Variants in ITGAE observed in about 807,000 individuals in gnomAD.
ITGAE encodes the protein integrin alpha-E.
A neutral mutation model predicts 136.5 loss-of-function variants in ITGAE; 99 were observed. The ratio of observed to expected loss-of-function variants is 0.73; its 90% CI spans 0.62 to 0.86. The LOEUF (loss-of-function observed/expected upper bound fraction) is 0.86, where lower values mean the gene tolerates loss of function less well. Ranked by LOEUF, ITGAE falls within the 40% of genes least tolerant of loss-of-function variation. The probability of loss-of-function intolerance (pLI) is 0.00; values close to 1 mark genes in which losing one functional copy is unlikely to be tolerated. For missense variants in ITGAE, 1,447 were observed against 1,515.3 expected (o/e 0.95, Z 0.75); for synonymous variants, 613 against 591.8 (o/e 1.04, Z -0.52).
At position 3,781,009 on chromosome 17, in the gene ITGAE, A is replaced by G. The variant is rs184632188; in HGVS notation, c.35-3349T>C. ...GTCAGCCAACAAGCTCAGCCCCAAA[A>G]CTATTTTTAAATTATGAGTGAGGTC... On this transcript the variant is annotated intron_variant, in intron 1 of 30. Coordinates refer to ENST00000263087, the MANE Select transcript of ITGAE (RefSeq NM_002208.5). 4.4e-3 allele frequency among the ~76,000 whole-genome samples: 676 copies of G among 152,148 alleles called. 6 individuals carry two copies. Among genetic ancestry groups the G allele is most frequent in the Middle Eastern group, 0.024 (7 of 294 alleles).
At chr17:3,723,888 C>G (rs370893681) in intron 26 of ITGAE, 144 bp from the exon 27 acceptor site, 2 of 1,524,606 alleles carry the variant, frequency 1.3e-6, no homozygotes, top group East Asian at 2.3e-5. Context: ...CCGCGTCGCA[C>G]GGAAGTCTCG....
intron 20 of ITGAE, among the ~76,000 whole-genome samples, chr17:3,737,130 T>C (rs2051476424): frequency 6.6e-6 from 1 of 151,990 alleles, no homozygotes; most frequent in Non-Finnish European, 1.5e-5. Flanking sequence ...CCGTCTCTAC[T>C]AAAAATACAA....
intron 17 of ITGAE, 80 bp downstream of exon 17, chr17:3,747,842 T>G: frequency 4.4e-6 from 1 of 226,062 alleles, no homozygotes; most frequent in South Asian, 5.1e-5. Context: ...CCCGCCCCAG[T>G]CCTCTTTCCC....
chr17:3,729,951 C>G (rs1026387537), intron 23 of ITGAE, among the ~76,000 whole-genome samples: 1 of 152,138 alleles, frequency 6.6e-6, no homozygotes, highest in Admixed American at 6.6e-5. Context: ...CATAGGTGAA[C>G]GTGTGCCATG....
At chr17:3,797,463 C>CTTT (rs2053147864) in intron 1 of ITGAE, among the ~76,000 whole-genome samples, 1 of 129,928 alleles carries the variant, frequency 7.7e-6, no homozygotes, top group East Asian at 2.4e-4. Flanking sequence ...CTGCGCCTGG[C>CTTT]CTTTTTTTTT....
At chr17:3,743,266 C>T (rs556857686) in intron 19 of ITGAE, among the ~76,000 whole-genome samples, 85 of 152,326 alleles carry the variant, frequency 5.6e-4, no homozygotes, top group African/African-American at 2.0e-3. Flanking sequence ...AAGGAACAAG[C>T]CCCAGGGGCA....
chr17:3,737,957 T>C (rs546896276), intron 20 of ITGAE, among the ~76,000 whole-genome samples: 34 of 152,302 alleles, frequency 2.2e-4, no homozygotes, highest in Admixed American at 1.2e-3. Context: ...CTGTAATTAA[T>C]TCCCTGCTGG....
rs144341961 is a variant in ITGAE, at chr17:3,724,547, C to T, written c.3085-803G>A. Reference sequence around the variant, plus strand: ...TTGCAGCCTCAGCCGTCCCGAGCGGCCTCCACCTCCCAGAAGTCTCCCTGG... The same window carrying T: ...TTGCAGCCTCAGCCGTCCCGAGCGGTCTCCACCTCCCAGAAGTCTCCCTGG... On this transcript the variant is annotated intron_variant, in intron 26 of 30. Transcript: ENST00000263087. 2.9e-4 allele frequency: 462 copies of T among 1,614,120 alleles called. 1 individual carries two copies. The African/African-American group carries it at 5.1e-3, about 18-fold the overall frequency.
At chr17:3,717,454 T>G (rs984790199) in intron 29 of ITGAE, 2 of 152,308 alleles carry the variant, frequency 1.3e-5, no homozygotes, top group Non-Finnish European at 2.9e-5. Flanking sequence ...CTCTCCCAAT[T>G]TCGGGAGTCT....
chr17:3,746,722 T>C (rs1193460098), intron 17 of ITGAE, among the ~76,000 whole-genome samples: 1 of 152,062 alleles, frequency 6.6e-6, no homozygotes, highest in Non-Finnish European at 1.5e-5. Flanking sequence ...CCTCCCAAAG[T>C]GCTGGGACTA....
chr17:3,800,544 C>A (rs1300228823), intron 1 of ITGAE, among the ~76,000 whole-genome samples: 1 of 152,026 alleles, frequency 6.6e-6, no homozygotes, highest in Admixed American at 6.6e-5. Flanking sequence ...TAAAATGGGA[C>A]CCCCCAGGCA....
intron 2 of ITGAE, among the ~76,000 whole-genome samples, chr17:3,776,931 A>G (rs1351541892): frequency 2.0e-5 from 3 of 151,702 alleles, no homozygotes; most frequent in African/African-American, 7.3e-5. Context: ...AAGGAACAAA[A>G]GAGCCTTAAT....
chr17:3,784,434 C>G (rs2052737886), intron 1 of ITGAE: 1 of 211,690 alleles, frequency 4.7e-6, no homozygotes, highest in African/African-American at 2.4e-5. Context: ...CTGGCTCTGT[C>G]ACCAGGCTGG....
chr17:3,714,725 C>T lies in ITGAE; in HGVS notation c.*122G>A, dbSNP rs2050911076. On this transcript the variant is annotated 3_prime_UTR_variant, in exon 31 of 31. Transcript: ENST00000263087. Reference sequence around the variant, plus strand: ...TTTTGGGACAATGTATGGTTAAAAACTAATATTCTACCAACAGCTCCATGC... The same window carrying T: ...TTTTGGGACAATGTATGGTTAAAAATTAATATTCTACCAACAGCTCCATGC... The T allele has an allele frequency of 5.1e-6, 3 of 587,180 alleles. No individual in the cohort carries two copies. Among genetic ancestry groups the T allele is most frequent in the Non-Finnish European group, 3.0e-6 (1 of 332,274 alleles). 36.4% of individuals were successfully genotyped at this position (587,180 alleles called of 1,614,324 possible).
At chr17:3,774,713 T>C (rs1012175641) in intron 2 of ITGAE, among the ~76,000 whole-genome samples, 1 of 152,016 alleles carries the variant, frequency 6.6e-6, no homozygotes, top group Non-Finnish European at 1.5e-5. Flanking sequence ...TGCAGTGAGC[T>C]GAGATTACAC....
At position 3,723,343 on chromosome 17, in the gene ITGAE, G is replaced by A. The variant is rs1418363442; in HGVS notation, c.3182C>T (p.Ser1061Leu). 6.2e-7 allele frequency: 1 copy of A among 1,614,002 alleles called. No individual in the cohort carries two copies. Among genetic ancestry groups the A allele is most frequent in the African/African-American group, 1.3e-5 (1 of 75,038 alleles). Reference sequence around the variant, plus strand: ...AGCCACGGTGACATTTTCTTTATCTGAAGCGATGACACAGCTCACTGAATG... The same window carrying A: ...AGCCACGGTGACATTTTCTTTATCTAAAGCGATGACACAGCTCACTGAATG... ...EWHSVSCVIA[S>L]DKENVTVAAE... The change falls in exon 28 of 31, where the codon TCA (serine) becomes TTA (leucine). Residue 1061 changes from serine to leucine, a missense_variant. Ser to Leu is a moderately radical substitution (Grantham distance 145, BLOSUM62 -2). This residue lies in a region of ITGAE where 1,031 missense variants were observed against 1,011.4 expected (regional missense o/e 1.02). Coordinates refer to ENST00000263087, the MANE Select transcript of ITGAE (RefSeq NM_002208.5).
At chr17:3,743,671 A>G (rs553035719) in intron 18 of ITGAE, 54 bp from the exon 19 acceptor site, 12 of 1,544,678 alleles carry the variant, frequency 7.8e-6, no homozygotes, top group Non-Finnish European at 1.0e-5. Context: ...GGAGAAGATG[A>G]CAACAATAAT....
chr17:3,795,921 G>A (rs1277745125), intron 1 of ITGAE, among the ~76,000 whole-genome samples: 1 of 146,036 alleles, frequency 6.8e-6, no homozygotes, highest in Non-Finnish European at 1.5e-5. Context: ...GCATCCGTGT[G>A]TGTGCATCCG....
In ITGAE at chr17:3,743,601, C is replaced by T. The variant is rs1597322919; in HGVS notation, c.2336G>A (p.Cys779Tyr). The part of the protein sequence containing the change: ...PTEGELCEED[C>Y]FSNASVKVSY... ...GACTTTGACACTGGCATTGGAGAAG[C>T]AGTCCTCCTCACAGAGCTGTGGGGT... The change falls in exon 19 of 31, where the codon TGC becomes TAC. Residue 779 changes from cysteine to tyrosine, a missense_variant. Cys to Tyr is a radical substitution (Grantham distance 194). Transcript: ENST00000263087. The T allele has an allele frequency of 1.2e-6, 2 of 1,613,070 alleles. No homozygotes were observed. The highest frequency in any genetic ancestry group is 2.2e-5 in the East Asian group (1 of 44,844).
Sources: gnomAD v4.1 joint callset for allele counts (sites outside exome capture counted in the v4.1 genomes callset) on GRCh38, gnomAD v4.1.1 for gene constraint, gnomAD v4.1.1 regional missense constraint, MANE v1.5 for transcripts, NCBI Gene and HGNC (gene_info 2026-07-23, HGNC 2026-07-21) for gene names.